The following C9orf153 variants were observed in gnomAD, a reference collection of about 807,000 sequenced individuals.
C9orf153 encodes chromosome 9 open reading frame 153.
Under a neutral mutation model 9.0 loss-of-function variants are expected in C9orf153, and 10 were observed. That is an observed-to-expected ratio of 1.11 (90% CI 0.69 to 1.89). The LOEUF (loss-of-function observed/expected upper bound fraction) is 1.89. C9orf153 is among the 40% of genes most tolerant of loss of function. C9orf153 has a pLI of 0.00. For synonymous variants in C9orf153, 35 were observed against 37.3 expected (o/e 0.94, Z 0.23); for missense variants, 108 against 111.0 (o/e 0.97, Z 0.12).
chr9:86,232,914 G>A (rs556539300), intron 1 of C9orf153, among the ~76,000 whole-genome samples: 13 of 151,858 alleles, frequency 8.6e-5, no homozygotes, highest in Non-Finnish European at 1.9e-4. Flanking sequence ...TTTATTTTTA[G>A]TAGAGACAGG....
At position 86,221,591 on chromosome 9, in the gene C9orf153, G is replaced by A. The variant is rs879043398; in HGVS notation, c.*97C>T. ...TGCGAACTATAGGGGGGAAAATAAC[G>A]TCAGGCATGTCCTGGCTCTCTACAA... On this transcript the variant is annotated 3_prime_UTR_variant, in exon 4 of 4. Transcript: ENST00000339137. 26 of 1,438,332 alleles carry A rather than the reference G, an allele frequency of 1.8e-5. No homozygotes were observed. Among genetic ancestry groups the A allele is most frequent in the Non-Finnish European group, 1.5e-5 (16 of 1,092,590 alleles). The allele number at this position is 1,438,332 out of a possible 1,614,324, so 89.1% of individuals were successfully genotyped here.
At chr9:86,221,842 C>T in intron 3 of C9orf153, 109 bp from the exon 4 acceptor site, 1 of 592,178 alleles carries the variant, frequency 1.7e-6, no homozygotes, top group South Asian at 2.6e-5. Context: ...CGAGTCCCCT[C>T]TTTCTGGCAG....
intron 3 of C9orf153, among the ~76,000 whole-genome samples, chr9:86,224,649 A>G (rs1824278519): frequency 1.3e-5 from 2 of 151,920 alleles, no homozygotes; most frequent in Admixed American, 1.3e-4. Flanking sequence ...TACAATGACA[A>G]TGTGTTCATT....
intron 3 of C9orf153, among the ~76,000 whole-genome samples, chr9:86,225,471 T>C (rs964970753): frequency 1.3e-4 from 19 of 151,428 alleles, no homozygotes; most frequent in Admixed American, 1.3e-3. Context: ...TCTTTCTTTC[T>C]TTTTTGAGAC....
chr9:86,258,608 T>C (rs1487916901), intron 1 of C9orf153: 1 of 152,160 alleles, frequency 6.6e-6, no homozygotes, highest in Non-Finnish European at 1.5e-5. Flanking sequence ...TGGCCATCAG[T>C]GGGGTGACAG....
intron 1 of C9orf153, among the ~76,000 whole-genome samples, chr9:86,240,707 CTT>C (rs367674249): frequency 0.013 from 1,496 of 116,798 alleles, 16 homozygotes; most frequent in African/African-American, 0.039. Context: ...TTTTCTTTTT[CTT>C]TTTTTTTTTT....
chr9:86,232,842 C>T (rs576609158), intron 1 of C9orf153, among the ~76,000 whole-genome samples: 1 of 152,216 alleles, frequency 6.6e-6, no homozygotes, highest in African/African-American at 2.4e-5. Context: ...AAGCCATTCT[C>T]CTGCCTCAGC....
At chr9:86,238,447 C>T (rs1824652972) in intron 1 of C9orf153, among the ~76,000 whole-genome samples, 1 of 152,206 alleles carries the variant, frequency 6.6e-6, no homozygotes. Context: ...TCTCATACTA[C>T]AGTGGAGTTA....
chr9:86,224,977 T>C (rs1033542717), intron 3 of C9orf153, among the ~76,000 whole-genome samples: 1 of 151,322 alleles, frequency 6.6e-6, no homozygotes, highest in African/African-American at 2.4e-5. Flanking sequence ...TTCCGGCCCT[T>C]GTCTGCGTAC....
intron 1 of C9orf153, among the ~76,000 whole-genome samples, chr9:86,251,617 G>T (rs955007226): frequency 6.6e-6 from 1 of 151,466 alleles, no homozygotes; most frequent in Non-Finnish European, 1.5e-5. Context: ...TCAGTTTAGA[G>T]GTTTTGAAAG....
At chr9:86,231,410 G>T (rs1344806258) in intron 1 of C9orf153, among the ~76,000 whole-genome samples, 6 of 152,028 alleles carry the variant, frequency 3.9e-5, no homozygotes, top group Non-Finnish European at 8.8e-5. Context: ...TAGGTACAGG[G>T]TACCACTGTA....
rs189873868 is a variant in C9orf153, at chr9:86,253,817, C to T, written c.-27+5733G>A. Among the ~76,000 whole-genome samples the T allele has an allele frequency of 1.8e-4, 28 of 152,212 alleles. 1 individual carries two copies. In the East Asian group the frequency reaches 2.7e-3, roughly 15 times the overall value. On this transcript the variant is annotated intron_variant, in intron 1 of 3. Transcript: ENST00000339137. Reference sequence around the variant, plus strand: ...ATAATAAGACTACAATTTGGCTGGGCGTGGTGGCTCATGCCTGTAATCCCA... The same window carrying T: ...ATAATAAGACTACAATTTGGCTGGGTGTGGTGGCTCATGCCTGTAATCCCA...
intron 1 of C9orf153, among the ~76,000 whole-genome samples, chr9:86,243,972 A>T (rs1484666764): frequency 6.6e-6 from 1 of 152,108 alleles, no homozygotes; most frequent in African/African-American, 2.4e-5. Flanking sequence ...TACACACATT[A>T]TGGAGTGTAC....
At chr9:86,230,332 A>G (rs1824443106) in intron 1 of C9orf153, among the ~76,000 whole-genome samples, 1 of 151,952 alleles carries the variant, frequency 6.6e-6, no homozygotes, top group South Asian at 2.1e-4. Flanking sequence ...ATGAAGTTTC[A>G]CTCTTGTTGC....
rs567066551 is a variant in C9orf153 at position 86,222,930 on chromosome 9, T to G, written c.243-1197A>C. On this transcript the variant is annotated intron_variant, in intron 3 of 3. Coordinates refer to ENST00000339137, the MANE Select transcript of C9orf153 (RefSeq NM_001276366.4). ...TCCAATCAGTCCTCCATCCCTGTAC[T>G]GGGAGGGCCTGGGCCTGCCTGGTGG... Among the ~76,000 whole-genome samples the G allele has an allele frequency of 1.5e-3, 232 of 152,280 alleles. 1 individual carries two copies. Among genetic ancestry groups the G allele is most frequent in the African/African-American group, 5.5e-3 (227 of 41,566 alleles).
intron 1 of C9orf153, among the ~76,000 whole-genome samples, chr9:86,256,517 G>A (rs954662524): frequency 8.5e-5 from 13 of 152,110 alleles, no homozygotes; most frequent in South Asian, 4.1e-4. Context: ...ATTTAAATAC[G>A]CAGGAGCTAT....
chr9:86,252,095 C>T (rs758023907), intron 1 of C9orf153, among the ~76,000 whole-genome samples: 16 of 152,126 alleles, frequency 1.1e-4, no homozygotes, highest in Non-Finnish European at 2.1e-4. Context: ...GGTGCAGTGG[C>T]ACCACCTTGG....
chr9:86,229,003 G>A (rs1824402489), intron 2 of C9orf153: 2 of 257,218 alleles, frequency 7.8e-6, no homozygotes, highest in Non-Finnish European at 1.6e-5. Flanking sequence ...AAGGGCCCGT[G>A]GACCAGGAGG....
At position 86,227,894 on chromosome 9, in the gene C9orf153, CT is replaced by C. The variant is rs773204564; in HGVS notation, c.202del (p.Arg68GlyfsTer5). ...GAGATCTCCTCTCACATCAGCGCCC[CT>C]GGTGAATGACATGACATTCAGGTTT... ...ARNLNVMSFT[R>X]GADVRGDLQP... On this transcript the variant is annotated frameshift_variant, in exon 3 of 4. Transcript: ENST00000339137. LOFTEE classifies it low-confidence loss of function (END_TRUNC). 5.0e-6 allele frequency: 8 copies of C among 1,613,592 alleles called. No individual in the cohort carries two copies. Among genetic ancestry groups the C allele is most frequent in the Non-Finnish European group, 6.8e-6 (8 of 1,179,824 alleles).
Sources: gnomAD v4.1 joint callset for allele counts (sites outside exome capture counted in the v4.1 genomes callset) on GRCh38, gnomAD v4.1.1 for gene constraint, MANE v1.5 for transcripts, NCBI Gene and HGNC (gene_info 2026-07-23, HGNC 2026-07-21) for gene names.